Variants in PLEKHM2 observed in about 807,000 individuals in gnomAD.
PLEKHM2 encodes pleckstrin homology domain-containing family M member 2.
In PLEKHM2, 77 loss-of-function variants were observed where a neutral mutation model predicts 116.3. The ratio of observed to expected loss-of-function variants is 0.66; its 90% confidence interval spans 0.55 to 0.80. The LOEUF is 0.80. PLEKHM2 is among the 30% of genes least tolerant of loss of function. PLEKHM2 has a pLI of 0.00. For synonymous variants in PLEKHM2, 562 were observed against 571.0 expected (o/e 0.98, Z 0.22); for missense variants, 1,183 against 1,354.9 (o/e 0.87, Z 1.99).
chr1:15,731,261 A>C lies in PLEKHM2; in HGVS notation c.2465+4A>C. The C allele has an allele frequency of 6.3e-7, 1 of 1,579,604 alleles. No homozygotes were observed. The highest frequency in any genetic ancestry group is 1.2e-5 in the South Asian group (1 of 86,578). On this transcript the variant is annotated splice_donor_region_variant and intron_variant, in intron 16 of 19. Transcript: ENST00000375799. Reference sequence around the variant, plus strand: ...CTCTGCTCTCGGTGAACATGGGGTAAGTGTCCCGGGAGAAGCGGGTGTATC... The same window carrying C: ...CTCTGCTCTCGGTGAACATGGGGTACGTGTCCCGGGAGAAGCGGGTGTATC...
At chr1:15,707,795 G>A (rs193055325) in intron 1 of PLEKHM2, among the ~76,000 whole-genome samples, 58 of 152,348 alleles carry the variant, frequency 3.8e-4, no homozygotes, top group African/African-American at 1.3e-3. Flanking sequence ...TGGTAGAGAA[G>A]CCACCCTGGC....
At chr1:15,714,499 G>A (rs1423120605) in intron 1 of PLEKHM2, among the ~76,000 whole-genome samples, 1 of 151,994 alleles carries the variant, frequency 6.6e-6, no homozygotes, top group Non-Finnish European at 1.5e-5. Flanking sequence ...TTTCCTTCTG[G>A]TGCTCTGATT....
At chr1:15,698,917 C>T (rs777000958) in intron 1 of PLEKHM2, among the ~76,000 whole-genome samples, 20 of 152,168 alleles carry the variant, frequency 1.3e-4, no homozygotes, top group African/African-American at 2.6e-4. Context: ...GGTTCTTATG[C>T]GGGGGTGATT....
At chr1:15,702,209 C>T (rs999900283) in intron 1 of PLEKHM2, among the ~76,000 whole-genome samples, 2 of 152,196 alleles carry the variant, frequency 1.3e-5, no homozygotes, top group East Asian at 3.9e-4. Flanking sequence ...TGTCACTTTC[C>T]ATGGGACGCG....
At chr1:15,695,585 C>T (rs1326995585) in intron 1 of PLEKHM2, among the ~76,000 whole-genome samples, 1 of 152,108 alleles carries the variant, frequency 6.6e-6, no homozygotes, top group Non-Finnish European at 1.5e-5. Context: ...CATCTTAGCT[C>T]AGTGCAACCT....
chr1:15,732,723 T>A lies in PLEKHM2; in HGVS notation c.2917T>A (p.Tyr973Asn). 2 of 1,599,322 alleles carry A rather than the reference T, an allele frequency of 1.3e-6. No homozygotes were observed. The highest frequency in any genetic ancestry group is 8.5e-7 in the Non-Finnish European group (1 of 1,170,890). Residue 973 changes from tyrosine (Y) to asparagine (N), a missense_variant, in exon 19 of 20, where the codon TAT (tyrosine) becomes AAT (asparagine). Coordinates refer to ENST00000375799, the MANE Select transcript of PLEKHM2 (RefSeq NM_015164.4). ...ACTGAACTCTGGGTGGAAAACCATC[T>A]ATCAGGTACCCAGCTGCCCAGGAAA... ...SALNSGWKTI[Y>N]QVDLPHTAIQ...
chr1:15,704,502 G>A (rs951296671), intron 1 of PLEKHM2, among the ~76,000 whole-genome samples: 2 of 152,080 alleles, frequency 1.3e-5, no homozygotes, highest in East Asian at 1.9e-4. Flanking sequence ...ATTTCAGTAC[G>A]TATTGTTAAA....
intron 1 of PLEKHM2, among the ~76,000 whole-genome samples, chr1:15,708,650 TG>T (rs1641272415): frequency 6.6e-6 from 1 of 152,198 alleles, no homozygotes; most frequent in African/African-American, 2.4e-5. Context: ...CTCAAACTCC[TG>T]GCCTCTAATG....
Position 15,727,695 on chromosome 1 carries a change from G to A in PLEKHM2, c.1623G>A (p.Glu541=). 1 of 1,594,410 alleles carries A rather than the reference G, an allele frequency of 6.3e-7. No individual in the cohort carries two copies. Among genetic ancestry groups the A allele is most frequent in the Non-Finnish European group, 8.5e-7 (1 of 1,171,334 alleles). Residue 541 remains glutamate (E), a synonymous_variant, in exon 9 of 20, where the codon GAG becomes GAA. Coordinates refer to ENST00000375799, the MANE Select transcript of PLEKHM2 (RefSeq NM_015164.4). This position sits in a 1 kb window ranked among gnomAD's most constrained non-coding sequence, Gnocchi z 7.5. ...TGGTCAGGGAGGGGCCTGTGTCTGA[G>A]CCAGAGCCTGGGACCCAGGAGGTTC... is the stretch of plus-strand genomic sequence containing the variant. ...LSLVREGPVS[E]PEPGTQEVLC...
intron 1 of PLEKHM2, among the ~76,000 whole-genome samples, chr1:15,701,326 G>C (rs1571030777): frequency 2.1e-5 from 3 of 143,320 alleles, no homozygotes; most frequent in South Asian, 4.5e-4. Context: ...CCAACTACTC[G>C]AGAGGCTGAG....
chr1:15,692,319 T>C (rs1253897042), intron 1 of PLEKHM2, among the ~76,000 whole-genome samples: 2 of 152,220 alleles, frequency 1.3e-5, no homozygotes, highest in East Asian at 3.8e-4. Context: ...TAAAATAGTA[T>C]CTACACACAC....
In PLEKHM2 at chr1:15,732,812, C is replaced by G. The variant is rs1472634809; in HGVS notation, c.2922+84C>G. The G allele has an allele frequency of 3.2e-6, 3 of 934,912 alleles. No individual in the cohort carries two copies. The East Asian group carries it at 7.9e-5, about 24-fold the overall frequency. 57.9% of individuals were successfully genotyped at this position (934,912 alleles called of 1,614,324 possible). ...CCGGGGAGAGGAACCCCTGCTGCTC[C>G]CAGGACTTGGCCCTGCCTCCAGGGT... is the stretch of plus-strand genomic sequence containing the variant. On this transcript the variant is annotated intron_variant, in intron 19 of 19. Coordinates refer to ENST00000375799, the MANE Select transcript of PLEKHM2 (RefSeq NM_015164.4).
intron 6 of PLEKHM2, chr1:15,720,575 C>A: frequency 3.2e-6 from 2 of 630,516 alleles, no homozygotes; most frequent in Non-Finnish European, 3.8e-6. Flanking sequence ...ATAAAACTGG[C>A]CATTTTCCCC....
intron 5 of PLEKHM2, 67 bp downstream of exon 5, chr1:15,718,692 C>T (rs1475141873): frequency 1.5e-5 from 6 of 406,126 alleles, no homozygotes; most frequent in East Asian, 7.6e-5. Flanking sequence ...GCAGGGTGGG[C>T]GGTGGCTTCA....
At position 15,721,986 on chromosome 1, in the gene PLEKHM2, GC is replaced by G. The variant is rs2068002799; in HGVS notation, c.712+600del. Among the ~76,000 whole-genome samples, 1 of 152,206 alleles carries G rather than the reference GC, an allele frequency of 6.6e-6. No individual in the cohort carries two copies. The highest frequency in any genetic ancestry group is 2.4e-5 in the African/African-American group (1 of 41,450). On this transcript the variant is annotated intron_variant, in intron 7 of 19. Transcript: ENST00000375799. This position sits in a 1 kb window ranked among gnomAD's most constrained non-coding sequence, Gnocchi z 5.1. The stretch of plus-strand genomic sequence containing the variant: ...ACCCTGTCTGCTGGGCAGTAGCAGT[GC>G]CTGGGCATTTTTCTGCCTGAAATTC...
At chr1:15,685,468 T>A (rs1026548194) in intron 1 of PLEKHM2, among the ~76,000 whole-genome samples, 1 of 150,852 alleles carries the variant, frequency 6.6e-6, no homozygotes, top group African/African-American at 2.4e-5. Flanking sequence ...AATGGATTTT[T>A]CTCTCTCTCT....
chr1:15,714,144 C>T (rs1571047752), intron 1 of PLEKHM2, among the ~76,000 whole-genome samples: 2 of 150,880 alleles, frequency 1.3e-5, no homozygotes, highest in East Asian at 2.0e-4. Flanking sequence ...GTTTCACCAT[C>T]TTGGCCAGGC....
intron 1 of PLEKHM2, among the ~76,000 whole-genome samples, chr1:15,704,082 T>C (rs921494054): frequency 6.6e-6 from 1 of 152,160 alleles, no homozygotes; most frequent in Non-Finnish European, 1.5e-5. Flanking sequence ...TGCTTACTTT[T>C]GAATTTTCTT....
intron 1 of PLEKHM2, among the ~76,000 whole-genome samples, chr1:15,704,077 A>G (rs565275273): frequency 6.6e-6 from 1 of 152,246 alleles, no homozygotes; most frequent in East Asian, 1.9e-4. Flanking sequence ...GACCTTGCTT[A>G]CTTTTGAATT....
Sources: gnomAD v4.1 joint callset for allele counts (sites outside exome capture counted in the v4.1 genomes callset) on GRCh38, gnomAD v4.1.1 for gene constraint, Gnocchi (gnomAD v3.1) non-coding constraint, MANE v1.5 for transcripts, NCBI Gene and HGNC (gene_info 2026-07-23, HGNC 2026-07-21) for gene names.